The following PTPRT variants were observed in gnomAD, a reference collection of about 807,000 sequenced individuals.
PTPRT encodes the protein protein tyrosine phosphatase receptor type T, also known as receptor-type tyrosine-protein phosphatase T.
A neutral mutation model predicts 176.8 loss-of-function variants in PTPRT; 56 were observed. The observed-to-expected ratio is 0.32, with a 90% CI of 0.26 to 0.40. PTPRT has a LOEUF of 0.40. PTPRT is among the 10% of genes least tolerant of loss of function. The pLI is 1.00. For synonymous variants in PTPRT, 783 were observed against 739.0 expected (o/e 1.06, Z -0.96); for missense variants, 1,540 against 1,908.2 (o/e 0.81, Z 3.60).
At chr20:42,420,376 C>G (rs1424233334) in intron 9 of PTPRT, among the ~76,000 whole-genome samples, 1 of 152,118 alleles carries the variant, frequency 6.6e-6, no homozygotes, top group Non-Finnish European at 1.5e-5. Flanking sequence ...CTTATTCTGG[C>G]CGTGCACCAC....
At position 42,610,962 on chromosome 20, in the gene PTPRT, G is replaced by A. The variant is rs114053580; in HGVS notation, c.1153+66904C>T. On this transcript the variant is annotated intron_variant, in intron 7 of 30. Transcript: ENST00000373187. ...GTGTCTGACTTCTTTCCCTTATCAT[G>A]TTATTTCAAGGTTTGTCTATGTTGC... Among the ~76,000 whole-genome samples the A allele has an allele frequency of 7.9e-3, 1,208 of 152,162 alleles. 21 individuals are homozygous for A. The highest frequency in any genetic ancestry group is 0.028 in the African/African-American group (1,171 of 41,474).
intron 11 of PTPRT, among the ~76,000 whole-genome samples, chr20:42,348,900 T>C (rs2058235791): frequency 6.6e-6 from 1 of 152,140 alleles, no homozygotes; most frequent in Non-Finnish European, 1.5e-5. Flanking sequence ...TCCTCATAAT[T>C]TGTTGAGTCT....
intron 1 of PTPRT, among the ~76,000 whole-genome samples, chr20:43,133,524 T>C (rs1329637142): frequency 1.3e-5 from 2 of 152,090 alleles, no homozygotes; most frequent in Admixed American, 6.5e-5. Flanking sequence ...GGCAGGCGGA[T>C]CACGAGGTCA....
intron 7 of PTPRT, among the ~76,000 whole-genome samples, chr20:42,607,114 A>G (rs2073891472): frequency 1.3e-5 from 2 of 152,240 alleles, no homozygotes; most frequent in Non-Finnish European, 2.9e-5. Context: ...ATATAATTCT[A>G]CTTACATGAG....
At chr20:43,044,766 A>C (rs1466919068) in intron 1 of PTPRT, among the ~76,000 whole-genome samples, 1 of 152,250 alleles carries the variant, frequency 6.6e-6, no homozygotes, top group Admixed American at 6.5e-5. Flanking sequence ...CAGCCAGTGT[A>C]GTGCACGGTG....
chr20:42,044,837 C>G, the PTPRT span, among the ~76,000 whole-genome samples: 1 of 152,164 alleles, frequency 6.6e-6, no homozygotes, highest in Non-Finnish European at 1.5e-5. Flanking sequence ...ATGAAACTAA[C>G]TGGGCTAGAA....
chr20:42,503,490 A>C (rs1362966120), intron 7 of PTPRT, among the ~76,000 whole-genome samples: 1 of 152,106 alleles, frequency 6.6e-6, no homozygotes, highest in Non-Finnish European at 1.5e-5. Context: ...AATAAAAGTA[A>C]AATTTTTGCT....
At chr20:42,251,663 T>A (rs1337216708) in intron 13 of PTPRT, among the ~76,000 whole-genome samples, 2 of 148,376 alleles carry the variant, frequency 1.3e-5, no homozygotes, top group Non-Finnish European at 3.0e-5. Flanking sequence ...AAGCAGCATA[T>A]GGGAGCAGCA....
the PTPRT span, among the ~76,000 whole-genome samples, chr20:42,063,212 T>C: frequency 7.9e-5 from 12 of 152,202 alleles, no homozygotes; most frequent in Non-Finnish European, 1.6e-4. Flanking sequence ...GCATTTTGTC[T>C]TTCTGGTTCT....
intron 6 of PTPRT, among the ~76,000 whole-genome samples, chr20:42,694,050 T>C (rs796518505): frequency 6.8e-6 from 1 of 147,052 alleles, no homozygotes; most frequent in Non-Finnish European, 1.5e-5. Context: ...CTTTTTTTTT[T>C]TTTTTTGAGC....
intron 12 of PTPRT, among the ~76,000 whole-genome samples, chr20:42,300,570 A>T (rs2057450868): frequency 6.6e-6 from 1 of 151,980 alleles, no homozygotes. Flanking sequence ...AAAGTAAATG[A>T]TGATAGTACT....
chr20:42,700,956 G>C (rs1205632462), intron 6 of PTPRT, among the ~76,000 whole-genome samples: 1 of 152,220 alleles, frequency 6.6e-6, no homozygotes, highest in Non-Finnish European at 1.5e-5. Flanking sequence ...GGCAGAGCCA[G>C]TGGGGGCGGT....
intron 16 of PTPRT, among the ~76,000 whole-genome samples, chr20:42,185,578 G>A (rs1259107270): frequency 1.3e-5 from 2 of 152,218 alleles, no homozygotes; most frequent in Non-Finnish European, 2.9e-5. Context: ...GATAGCATCT[G>A]ACTGGCAAAG....
At chr20:43,079,999 T>C (rs1291777812) in intron 1 of PTPRT, among the ~76,000 whole-genome samples, 2 of 152,226 alleles carry the variant, frequency 1.3e-5, no homozygotes, top group African/African-American at 2.4e-5. Context: ...AAAGCCTTTA[T>C]TAGATTGAGA....
intron 7 of PTPRT, among the ~76,000 whole-genome samples, chr20:42,488,846 C>T (rs1427128855): frequency 1.3e-5 from 2 of 151,732 alleles, no homozygotes; most frequent in Non-Finnish European, 2.9e-5. Context: ...TGCCTGTAAT[C>T]CCAGCTACTC....
At position 42,785,248 on chromosome 20, in the gene PTPRT, T is replaced by C. The variant is rs373779309; in HGVS notation, c.487-4949A>G. Among the ~76,000 whole-genome samples the C allele has an allele frequency of 9.2e-5, 14 of 152,308 alleles. No homozygotes were observed. The East Asian group carries it at 1.9e-3, about 21-fold the overall frequency. ...TTCTCACCCCCGGCCTTGCCAAAAG[T>C]CTGGTGCCAGAAAGCTCACTAATGA... is the stretch of plus-strand genomic sequence containing the variant. On this transcript the variant is annotated intron_variant, in intron 3 of 30. Coordinates refer to ENST00000373187, the MANE Select transcript of PTPRT (RefSeq NM_007050.6).
chr20:42,409,032 C>T lies in PTPRT; in HGVS notation c.1560+39188G>A, dbSNP rs1301035528. Among the ~76,000 whole-genome samples the T allele has an allele frequency of 3.9e-5, 6 of 152,230 alleles. No homozygotes were observed. The East Asian group carries it at 1.2e-3, about 29-fold the overall frequency. On this transcript the variant is annotated intron_variant, in intron 9 of 30. Transcript: ENST00000373187. ...TAGGGGTCTCACCTCCTAATACTATCACACTGATGATGAAATTTCAACATA... is the reference window on the plus strand; with the variant it reads ...TAGGGGTCTCACCTCCTAATACTATTACACTGATGATGAAATTTCAACATA...
Position 42,721,347 on chromosome 20 carries a change from A to G in PTPRT, c.859+35115T>C, listed in dbSNP as rs1428835656. Among the ~76,000 whole-genome samples, 6 of 152,314 alleles carry G rather than the reference A, an allele frequency of 3.9e-5. No individual in the cohort carries two copies. The South Asian group carries it at 6.2e-4, about 16-fold the overall frequency. On this transcript the variant is annotated intron_variant, in intron 6 of 30. Transcript: ENST00000373187. The stretch of plus-strand genomic sequence containing the variant: ...GGTGAACTGGAGATGAGATGGATCC[A>G]CAGGAGGCAGGGTTGTGGAGGCCTC...
chr20:43,136,213 T>C (rs1299128928), intron 1 of PTPRT, among the ~76,000 whole-genome samples: 1 of 152,242 alleles, frequency 6.6e-6, no homozygotes. Flanking sequence ...TTCTGTAGCA[T>C]CTGGCCTAAA....
Sources: gnomAD v4.1 joint callset for allele counts (sites outside exome capture counted in the v4.1 genomes callset) on GRCh38, gnomAD v4.1.1 for gene constraint, MANE v1.5 for transcripts, NCBI Gene and HGNC (gene_info 2026-07-23, HGNC 2026-07-21) for gene names.